Variants in GPC6 observed in about 807,000 individuals in gnomAD.
The protein encoded by GPC6 is glypican 6.
GPC6 carries 14 observed loss-of-function variants against 55.2 expected under a neutral mutation model. That is an observed-to-expected ratio of 0.25 (90% confidence interval 0.17 to 0.40). The LOEUF (loss-of-function observed/expected upper bound fraction) is 0.40, where lower values mean the gene tolerates loss of function less well. Among genes scored for constraint, GPC6 ranks in the 10% least tolerant of loss-of-function variants. GPC6 has a pLI of 1.00. For missense variants in GPC6, 641 were observed against 708.5 expected (o/e 0.90, Z 1.08); for synonymous variants, 278 against 259.6 (o/e 1.07, Z -0.68).
At chr13:93,964,339 CA>C (rs1331567384) in intron 3 of GPC6, among the ~76,000 whole-genome samples, 5 of 151,926 alleles carry the variant, frequency 3.3e-5, no homozygotes, top group Non-Finnish European at 5.9e-5. Flanking sequence ...TGATATCATG[CA>C]TTAGTTTAAG....
chr13:93,367,602 C>T (rs533399478), intron 1 of GPC6, among the ~76,000 whole-genome samples: 1 of 152,034 alleles, frequency 6.6e-6, no homozygotes, highest in African/African-American at 2.4e-5. Context: ...TAACTGTGTG[C>T]CACAAATTTT....
At chr13:94,141,430 C>G (rs373831979) in intron 4 of GPC6, among the ~76,000 whole-genome samples, 1 of 152,102 alleles carries the variant, frequency 6.6e-6, no homozygotes, top group African/African-American at 2.4e-5. Context: ...GTTTATAACT[C>G]GGTCTCTTAG....
intron 1 of GPC6, among the ~76,000 whole-genome samples, chr13:93,348,654 A>T (rs1235489191): frequency 6.6e-6 from 1 of 152,224 alleles, no homozygotes; most frequent in Admixed American, 6.5e-5. Context: ...TCCCTTTCTG[A>T]TCAAAGCAGT....
At chr13:93,725,841 T>C (rs924635690) in intron 2 of GPC6, among the ~76,000 whole-genome samples, 1 of 152,056 alleles carries the variant, frequency 6.6e-6, no homozygotes, top group African/African-American at 2.4e-5. Context: ...ATTAAATAAT[T>C]TGGTGAATGG....
chr13:93,356,131 A>G (rs747757698), intron 1 of GPC6, among the ~76,000 whole-genome samples: 3 of 152,212 alleles, frequency 2.0e-5, no homozygotes, highest in Non-Finnish European at 4.4e-5. Flanking sequence ...CTTTGCAGAG[A>G]GACCAGAGGT....
At chr13:93,392,660 T>C (rs1426273873) in intron 1 of GPC6, among the ~76,000 whole-genome samples, 1 of 152,206 alleles carries the variant, frequency 6.6e-6, no homozygotes, top group East Asian at 1.9e-4. Context: ...AAACACAAAA[T>C]TAAATATATG....
chr13:93,333,963 G>A (rs776418830), intron 1 of GPC6, among the ~76,000 whole-genome samples: 19 of 152,140 alleles, frequency 1.2e-4, no homozygotes, highest in Non-Finnish European at 2.1e-4. Flanking sequence ...TGACTGCAGT[G>A]TGTTTCTTTT....
At chr13:93,310,486 C>G (rs1004140639) in intron 1 of GPC6, among the ~76,000 whole-genome samples, 1 of 152,122 alleles carries the variant, frequency 6.6e-6, no homozygotes, top group Admixed American at 6.6e-5. Flanking sequence ...ATTACCATGT[C>G]GAGTGGTTGT....
intron 4 of GPC6, among the ~76,000 whole-genome samples, chr13:94,244,534 T>G (rs1891143429): frequency 6.6e-6 from 1 of 152,144 alleles, no homozygotes; most frequent in African/African-American, 2.4e-5. Context: ...AAATTACCTG[T>G]GATGTCTAAG....
intron 3 of GPC6, among the ~76,000 whole-genome samples, chr13:93,976,399 GAAATC>G (rs1365473775): frequency 2.0e-5 from 3 of 151,510 alleles, no homozygotes; most frequent in Non-Finnish European, 4.4e-5. Context: ...TTTTGAAAAA[GAAATC>G]AAACATTGCT....
intron 3 of GPC6, among the ~76,000 whole-genome samples, chr13:93,901,707 C>T (rs1044976471): frequency 6.6e-6 from 1 of 151,818 alleles, no homozygotes; most frequent in Non-Finnish European, 1.5e-5. Flanking sequence ...TTGAGACCAG[C>T]CTGACCAACA....
chr13:93,538,213 C>A (rs1214394533), intron 1 of GPC6, among the ~76,000 whole-genome samples: 1 of 152,090 alleles, frequency 6.6e-6, no homozygotes, highest in African/African-American at 2.4e-5. Context: ...TGTCTAGATA[C>A]TTAACTTTTT....
chr13:94,215,652 A>C (rs1424169873), intron 4 of GPC6, among the ~76,000 whole-genome samples: 2 of 152,108 alleles, frequency 1.3e-5, no homozygotes, highest in African/African-American at 4.8e-5. Context: ...AATTACCAGG[A>C]CTTTAAAGTT....
chr13:94,027,121 G>T (rs889277381), intron 3 of GPC6, among the ~76,000 whole-genome samples: 1 of 152,104 alleles, frequency 6.6e-6, no homozygotes, highest in East Asian at 1.9e-4. Context: ...CAGTGGATAC[G>T]TAGCTCCTCT....
intron 5 of GPC6, among the ~76,000 whole-genome samples, chr13:94,300,166 A>G (rs17253773): frequency 0.033 from 4,953 of 152,094 alleles, 180 homozygotes; most frequent in East Asian, 0.2. Flanking sequence ...ATTTTTAAAA[A>G]CCACAGGAGC....
chr13:94,173,228 A>C (rs1310721628), intron 4 of GPC6, among the ~76,000 whole-genome samples: 1 of 152,170 alleles, frequency 6.6e-6, no homozygotes, highest in African/African-American at 2.4e-5. Context: ...TTGAAACTAC[A>C]CTATATAAAG....
intron 5 of GPC6, among the ~76,000 whole-genome samples, chr13:94,288,372 A>G (rs1892588437): frequency 6.6e-6 from 1 of 152,036 alleles, no homozygotes. Context: ...TTCTTCATCC[A>G]GTAGCCAAAG....
At chr13:93,927,925 G>A (rs566029916) in intron 3 of GPC6, among the ~76,000 whole-genome samples, 1 of 152,288 alleles carries the variant, frequency 6.6e-6, no homozygotes, top group South Asian at 2.1e-4. Context: ...TCGAGGGGAT[G>A]AAAGTCACAA....
At chr13:94,213,146 A>G (rs1890130872) in intron 4 of GPC6, among the ~76,000 whole-genome samples, 1 of 152,186 alleles carries the variant, frequency 6.6e-6, no homozygotes. Context: ...ACATAGCAAG[A>G]CTGTGTCTCA....
Sources: gnomAD v4.1 joint callset for allele counts (sites outside exome capture counted in the v4.1 genomes callset) on GRCh38, gnomAD v4.1.1 for gene constraint, MANE v1.5 for transcripts, NCBI Gene and HGNC (gene_info 2026-07-23, HGNC 2026-07-21) for gene names.